DNAH3: variants seen among roughly 807,000 people sequenced by gnomAD.
DNAH3 encodes axonemal beta dynein heavy chain 3.
DNAH3 carries 332 observed loss-of-function variants against 432.5 expected under a neutral mutation model. That is an observed-to-expected ratio of 0.77 (90% CI 0.70 to 0.84). The LOEUF is 0.84. Ranked by LOEUF, DNAH3 falls within the 40% of genes least tolerant of loss-of-function variation. The pLI is 0.00. For missense variants in DNAH3, 4,861 were observed against 5,114.0 expected, an observed-to-expected ratio of 0.95 and a Z score of 1.51; for synonymous variants, 1,956 against 1,900.2, an observed-to-expected ratio of 1.03 and a Z score of -0.76.
intron 32 of DNAH3, among the ~76,000 whole-genome samples, chr16:21,041,570 C>T (rs1480076778): frequency 2.0e-5 from 3 of 152,108 alleles, no homozygotes; most frequent in African/African-American, 4.8e-5. Flanking sequence ...TCCTAAAGTC[C>T]GTGGATATGG....
intron 34 of DNAH3, among the ~76,000 whole-genome samples, chr16:21,037,477 A>C (rs1035508819): frequency 1.3e-5 from 2 of 152,226 alleles, no homozygotes; most frequent in African/African-American, 4.8e-5. Context: ...AGTAAGATTA[A>C]ATTAAATTAC....
chr16:21,052,052 C>T (rs970999188), intron 28 of DNAH3, among the ~76,000 whole-genome samples, 184 bp from the exon 29 acceptor site: 3 of 152,074 alleles, frequency 2.0e-5, no homozygotes, highest in East Asian at 3.9e-4. Flanking sequence ...AGTGCAATGG[C>T]GCGATCTCGG....
chr16:21,042,921 G>C (rs1273952636), intron 31 of DNAH3, among the ~76,000 whole-genome samples: 1 of 152,018 alleles, frequency 6.6e-6, no homozygotes, highest in Non-Finnish European at 1.5e-5. Flanking sequence ...AATATGCGGT[G>C]TTTGGTTTTT....
At chr16:21,054,340 G>A (rs547595327) in intron 28 of DNAH3, 80 bp downstream of exon 28, 25 of 1,098,928 alleles carry the variant, frequency 2.3e-5, no homozygotes, top group East Asian at 9.8e-5. Flanking sequence ...GAATTATTCC[G>A]TCCAGGAGAA....
At chr16:21,015,778 C>T (rs2087828457) in intron 41 of DNAH3, among the ~76,000 whole-genome samples, 1 of 152,062 alleles carries the variant, frequency 6.6e-6, no homozygotes, top group South Asian at 2.1e-4. Flanking sequence ...TTTCATATTT[C>T]AAATTGCTTG....
chr16:21,128,075 T>G (rs1364578529), intron 7 of DNAH3, among the ~76,000 whole-genome samples: 1 of 151,982 alleles, frequency 6.6e-6, no homozygotes, highest in Non-Finnish European at 1.5e-5. Context: ...TCACTCTGCA[T>G]AACCCATCAA....
At position 21,140,149 on chromosome 16, in the gene DNAH3, T is replaced by C. The variant is rs1262860919; in HGVS notation, c.696+387A>G. 4 of 160,780 alleles carry C rather than the reference T, an allele frequency of 2.5e-5. No individual in the cohort carries two copies. The East Asian group carries it at 5.3e-4, about 21-fold the overall frequency. The allele number at this position is 160,780 out of a possible 1,614,324, so 10.0% of individuals were successfully genotyped here. ...TATGATAGAGATCCCATATAAAATA[T>C]GGGATGCTTTGGGATATACTTATAC... On this transcript the variant is annotated intron_variant, in intron 5 of 61. Coordinates refer to ENST00000261383, the Ensembl canonical transcript of DNAH3.
chr16:21,126,892 T>C (rs2092455584), intron 8 of DNAH3, among the ~76,000 whole-genome samples: 1 of 151,674 alleles, frequency 6.6e-6, no homozygotes, highest in African/African-American at 2.4e-5. Flanking sequence ...GATCTGTCAC[T>C]GTCTCCCATC....
chr16:21,001,595 G>A (rs939958260), intron 42 of DNAH3, among the ~76,000 whole-genome samples: 1 of 152,166 alleles, frequency 6.6e-6, no homozygotes, highest in Admixed American at 6.5e-5. Context: ...GATGAGACAA[G>A]GGAATTAAAG....
At chr16:21,069,176 C>T (rs2090686759) in intron 23 of DNAH3, among the ~76,000 whole-genome samples, 1 of 152,062 alleles carries the variant, frequency 6.6e-6, no homozygotes, top group African/African-American at 2.4e-5. Context: ...AACTCTTGAC[C>T]TCAAGTGATA....
chr16:21,093,709 G>A (rs529838797), intron 18 of DNAH3, among the ~76,000 whole-genome samples: 4 of 152,276 alleles, frequency 2.6e-5, no homozygotes, highest in Admixed American at 6.5e-5. Flanking sequence ...AGTTGATGTG[G>A]TATCAGTGAA....
In DNAH3 at chr16:20,939,505, G is replaced by A. The variant is rs147485324; in HGVS notation, c.11654+1896C>T. Among the ~76,000 whole-genome samples, 826 of 152,082 alleles carry A rather than the reference G, an allele frequency of 5.4e-3. 9 individuals carry two copies. The highest frequency in any genetic ancestry group is 0.019 in the African/African-American group (784 of 41,474). On this transcript the variant is annotated intron_variant, in intron 59 of 61. Transcript: ENST00000261383. ...CAGGCACCTGTAATCCCAGCTACTT[G>A]GGAGGCTGAGGCAGGAGAATCTCTT...
intron 56 of DNAH3, 121 bp from the exon 57 acceptor site, chr16:20,948,758 C>G: frequency 9.1e-7 from 1 of 1,103,776 alleles, no homozygotes; most frequent in South Asian, 1.5e-5. Flanking sequence ...GTGATAGGGA[C>G]AGCAAGCAGG....
intron 41 of DNAH3, among the ~76,000 whole-genome samples, chr16:21,017,857 CATT>C (rs1180120226): frequency 2.0e-5 from 3 of 152,000 alleles, no homozygotes. Flanking sequence ...AATAATGTTT[CATT>C]ATTATCAAAC....
At chr16:21,158,662 C>G (rs1378758605) in intron 1 of DNAH3, 1 of 152,816 alleles carries the variant, frequency 6.5e-6, no homozygotes, top group East Asian at 1.9e-4. Flanking sequence ...TCGGGACGCT[C>G]TTTCCTTCTT....
At chr16:20,987,041 A>G (rs540714113) in intron 47 of DNAH3, among the ~76,000 whole-genome samples, 3 of 152,302 alleles carry the variant, frequency 2.0e-5, no homozygotes, top group Admixed American at 6.5e-5. Context: ...AGTTCATAAT[A>G]AACATTCATT....
rs140742130 is a variant in DNAH3 at position 21,064,257 on chromosome 16, T to A, written c.3519-1574A>T. Among the ~76,000 whole-genome samples, 23 of 152,296 alleles carry A rather than the reference T, an allele frequency of 1.5e-4. No individual in the cohort carries two copies. The East Asian group carries it at 4.0e-3, about 27-fold the overall frequency. ...AAACCCAGGCTAGTCTTCTACAGGA[T>A]AAAAGACATGTGGCCCAAATACCTG... On this transcript the variant is annotated intron_variant, in intron 24 of 61. Coordinates refer to ENST00000261383, the Ensembl canonical transcript of DNAH3.
intron 32 of DNAH3, among the ~76,000 whole-genome samples, chr16:21,041,530 G>T (rs540896205): frequency 2.1e-3 from 327 of 152,266 alleles, no homozygotes; most frequent in African/African-American, 7.2e-3. Context: ...GCACCAGTCA[G>T]AATGCATTAG....
chr16:21,113,456 AATTTT>A (rs111827913), intron 12 of DNAH3, among the ~76,000 whole-genome samples: 1 of 151,114 alleles, frequency 6.6e-6, no homozygotes, highest in South Asian at 2.1e-4. Flanking sequence ...AGTTGTCTTT[AATTTT>A]ATTTTATTTT....
Sources: gnomAD v4.1 joint callset for allele counts (sites outside exome capture counted in the v4.1 genomes callset) on GRCh38, gnomAD v4.1.1 for gene constraint, MANE v1.5 for transcripts, NCBI Gene and HGNC (gene_info 2026-07-23, HGNC 2026-07-21) for gene names.